PRKD1: variants seen among roughly 807,000 people sequenced by gnomAD.
The protein encoded by PRKD1 is protein kinase D1.
PRKD1 carries 63 observed loss-of-function variants against 95.9 expected under a neutral mutation model. The observed-to-expected ratio is 0.66, with a 90% CI of 0.54 to 0.81. The LOEUF (loss-of-function observed/expected upper bound fraction) is 0.81. Ranked by LOEUF, PRKD1 falls within the 30% of genes least tolerant of loss-of-function variation. The probability of loss-of-function intolerance (pLI) is 0.00; values close to 1 mark genes in which losing one functional copy is unlikely to be tolerated. For missense variants in PRKD1, 1,048 were observed against 1,165.3 expected (o/e 0.90, Z 1.47); for synonymous variants, 425 against 423.1 (o/e 1.00, Z -0.05).
chr14:29,740,020 G>A (rs1405666897), intron 1 of PRKD1, among the ~76,000 whole-genome samples: 9 of 152,046 alleles, frequency 5.9e-5, no homozygotes, highest in Admixed American at 6.5e-5. Context: ...ATTACAGGAG[G>A]TAATAATCAA....
At chr14:29,601,976 C>T (rs977057734) in intron 13 of PRKD1, among the ~76,000 whole-genome samples, 59 of 152,324 alleles carry the variant, frequency 3.9e-4, no homozygotes, top group African/African-American at 1.3e-3. Context: ...TAGGACAAGT[C>T]CACTATGATA....
At chr14:29,781,307 T>C (rs964327931) in intron 1 of PRKD1, among the ~76,000 whole-genome samples, 11 of 151,944 alleles carry the variant, frequency 7.2e-5, no homozygotes, top group Non-Finnish European at 1.2e-4. Flanking sequence ...TAAAAAAGAA[T>C]CTTGAGAGGA....
intron 1 of PRKD1, among the ~76,000 whole-genome samples, chr14:29,792,454 T>C (rs1281182741): frequency 1.3e-5 from 2 of 152,160 alleles, no homozygotes; most frequent in Non-Finnish European, 2.9e-5. Context: ...ACATTTCACA[T>C]ATCAACTTGT....
intron 13 of PRKD1, among the ~76,000 whole-genome samples, chr14:29,605,651 C>G (rs1472427372): frequency 6.6e-6 from 1 of 152,318 alleles, no homozygotes. Flanking sequence ...TACAAGGCTA[C>G]AAGCTCCATA....
Position 29,876,015 on chromosome 14 carries a change from G to A in PRKD1, c.264+51234C>T, listed in dbSNP as rs1335284960. Among the ~76,000 whole-genome samples, 4 of 152,146 alleles carry A rather than the reference G, an allele frequency of 2.6e-5. No homozygotes were observed. In the East Asian group the frequency reaches 7.7e-4, roughly 29 times the overall value. On this transcript the variant is annotated intron_variant, in intron 1 of 17. Transcript: ENST00000331968. ...CAATTCCAAAAGGGCAAGGTGAAGA[G>A]AACCAAGAGATACATACCATGACTT...
At chr14:29,829,202 C>A (rs889276587) in intron 1 of PRKD1, among the ~76,000 whole-genome samples, 1 of 152,260 alleles carries the variant, frequency 6.6e-6, no homozygotes, top group African/African-American at 2.4e-5. Context: ...CCCAAGGCAT[C>A]ATGGAATAGA....
intron 1 of PRKD1, among the ~76,000 whole-genome samples, chr14:29,879,503 C>A (rs1893426935): frequency 6.6e-6 from 1 of 152,148 alleles, no homozygotes; most frequent in Non-Finnish European, 1.5e-5. Context: ...TCCAATTAAA[C>A]CTCTTTTTCT....
chr14:29,647,732 A>C (rs1015632493), intron 4 of PRKD1, among the ~76,000 whole-genome samples: 2 of 152,226 alleles, frequency 1.3e-5, no homozygotes, highest in Admixed American at 6.5e-5. Context: ...AAAATGGCCC[A>C]TAAGGATAAC....
chr14:29,638,492 C>T lies in PRKD1; in HGVS notation c.982G>A (p.Gly328Arg). 6.2e-7 allele frequency: 1 copy of T among 1,614,038 alleles called. No homozygotes were observed. The highest frequency in any genetic ancestry group is 1.1e-5 in the South Asian group (1 of 91,078). The change falls in exon 6 of 18, where the codon GGA becomes AGA. Residue 328 changes from glycine (G) to arginine (R), a missense_variant. Gly to Arg is a moderately radical substitution (Grantham distance 125). Around this residue, in one of 3 missense-constraint regions of PRKD1, gnomAD observed 739 missense variants for 861.9 expected, o/e 0.86. Coordinates refer to ENST00000331968, the MANE Select transcript of PRKD1 (RefSeq NM_002742.3). ...NNCLGEVTINGDLLSPGAESD... is the reference protein window; with the variant it reads ...NNCLGEVTINRDLLSPGAESD... ...TGACAGCTGATCTTTTACCTACCTCCATTAATGGTCACTTCGCCAAGGCAG... is the reference window on the plus strand; with the variant it reads ...TGACAGCTGATCTTTTACCTACCTCTATTAATGGTCACTTCGCCAAGGCAG...
At chr14:29,902,003 C>T (rs1278674804) in intron 1 of PRKD1, among the ~76,000 whole-genome samples, 1 of 152,124 alleles carries the variant, frequency 6.6e-6, no homozygotes, top group East Asian at 1.9e-4. Context: ...TAACTTGAGT[C>T]TTCTATTTGT....
At chr14:29,922,097 C>T (rs553026567) in intron 1 of PRKD1, among the ~76,000 whole-genome samples, 30 of 151,880 alleles carry the variant, frequency 2.0e-4, no homozygotes, top group Non-Finnish European at 3.1e-4. Flanking sequence ...GTCAGGAGAT[C>T]GAGACCATCC....
intron 4 of PRKD1, 99 bp from the exon 5 acceptor site, chr14:29,639,003 C>CT: frequency 1.1e-6 from 1 of 869,920 alleles, no homozygotes; most frequent in Non-Finnish European, 1.7e-6. Flanking sequence ...GTATTTAGTA[C>CT]TTTGATGTTT....
chr14:29,618,103 T>C (rs749483880), intron 13 of PRKD1, among the ~76,000 whole-genome samples: 1 of 152,184 alleles, frequency 6.6e-6, no homozygotes, highest in Non-Finnish European at 1.5e-5. Context: ...CTCGAAGATA[T>C]ATTTGCATGT....
intron 16 of PRKD1, among the ~76,000 whole-genome samples, chr14:29,583,868 C>A (rs1431560921): frequency 6.6e-6 from 1 of 152,172 alleles, no homozygotes; most frequent in African/African-American, 2.4e-5. Context: ...TCTTTTGCTA[C>A]AATAAATTTT....
At chr14:29,687,032 T>A (rs1396265450) in intron 2 of PRKD1, among the ~76,000 whole-genome samples, 2 of 151,992 alleles carry the variant, frequency 1.3e-5, no homozygotes. Flanking sequence ...CTGGCCTAAG[T>A]CCTCCTGAGG....
chr14:29,729,046 T>C (rs1288595571), intron 1 of PRKD1, among the ~76,000 whole-genome samples: 1 of 152,182 alleles, frequency 6.6e-6, no homozygotes, highest in Non-Finnish European at 1.5e-5. Context: ...GCCCACTCTA[T>C]CATGTATTTC....
chr14:29,680,870 T>C (rs1423060145), intron 2 of PRKD1, among the ~76,000 whole-genome samples: 3 of 152,048 alleles, frequency 2.0e-5, no homozygotes, highest in Non-Finnish European at 2.9e-5. Flanking sequence ...GATGGAGGAA[T>C]TGATTGTAAG....
rs115250723 is a variant in PRKD1, at chr14:29,739,109, T to C, written c.265-13435A>G. On this transcript the variant is annotated intron_variant, in intron 1 of 17. Coordinates refer to ENST00000331968, the MANE Select transcript of PRKD1 (RefSeq NM_002742.3). Reference sequence around the variant, plus strand: ...CTTTGGCCTCCCAAAGTGCTGGGAGTACAGGCATGAGCCACTGTGTGGCCC... The same window carrying C: ...CTTTGGCCTCCCAAAGTGCTGGGAGCACAGGCATGAGCCACTGTGTGGCCC... Among the ~76,000 whole-genome samples the C allele has an allele frequency of 3.6e-3, 542 of 152,276 alleles. 2 individuals carry two copies. Among genetic ancestry groups the C allele is most frequent in the African/African-American group, 0.012 (513 of 41,554 alleles).
At chr14:29,838,175 G>T (rs191229701) in intron 1 of PRKD1, among the ~76,000 whole-genome samples, 6 of 152,274 alleles carry the variant, frequency 3.9e-5, no homozygotes, top group Admixed American at 3.9e-4. Flanking sequence ...TTAGGGGGAT[G>T]AAATTTTTGG....
Sources: gnomAD v4.1 joint callset for allele counts (sites outside exome capture counted in the v4.1 genomes callset) on GRCh38, gnomAD v4.1.1 for gene constraint, gnomAD v4.1.1 regional missense constraint, MANE v1.5 for transcripts, NCBI Gene and HGNC (gene_info 2026-07-23, HGNC 2026-07-21) for gene names.